Variants in MPPED1 observed in about 807,000 individuals in gnomAD.
MPPED1 encodes the protein metallophosphoesterase domain containing 1, also known as metallophosphoesterase domain-containing protein 1.
In MPPED1, 16 loss-of-function variants were observed where a neutral mutation model predicts 36.2. The observed-to-expected ratio is 0.44, with a 90% CI of 0.30 to 0.67. The LOEUF is 0.67. Among genes scored for constraint, MPPED1 ranks in the 30% least tolerant of loss-of-function variants. The pLI is 0.10. For missense variants in MPPED1, 307 were observed against 453.4 expected, an observed-to-expected ratio of 0.68 and a Z score of 2.93; for synonymous variants, 199 against 191.3, an observed-to-expected ratio of 1.04 and a Z score of -0.33.
chr22:43,482,536 T>C (rs988870974), intron 4 of MPPED1, among the ~76,000 whole-genome samples: 2 of 152,210 alleles, frequency 1.3e-5, no homozygotes, highest in Non-Finnish European at 2.9e-5. Context: ...ATACACATCC[T>C]GGTACGTGGC....
rs901330570 is a variant in MPPED1 at position 43,469,937 on chromosome 22, T to C, written c.407-4799T>C. On this transcript the variant is annotated intron_variant, in intron 3 of 6. Transcript: ENST00000443721. The stretch of plus-strand genomic sequence containing the variant: ...ATCTATATATGCATCTATATATTCA[T>C]ACATATATAAAGCATCCATTCATTC... Among the ~76,000 whole-genome samples the C allele has an allele frequency of 2.6e-5, 4 of 152,136 alleles. 1 individual carries two copies. Among genetic ancestry groups the C allele is most frequent in the African/African-American group, 9.7e-5 (4 of 41,424 alleles).
At chr22:43,461,187 A>G (rs361730) in intron 3 of MPPED1, among the ~76,000 whole-genome samples, 144,568 of 152,220 alleles carry the variant, frequency 0.95, 68,689 homozygotes, top group East Asian at 1. Context: ...AATATAGCGA[A>G]ACCTCATCTC....
In MPPED1 at chr22:43,505,985, C is replaced by T. The variant is rs1213487151; in HGVS notation, c.*369C>T. 1 of 162,800 alleles carries T rather than the reference C, an allele frequency of 6.1e-6. No individual in the cohort carries two copies. The highest frequency in any genetic ancestry group is 2.5e-5 in the African/African-American group (1 of 40,060). 10.1% of individuals were successfully genotyped at this position (162,800 alleles called of 1,614,324 possible). The stretch of plus-strand genomic sequence containing the variant: ...TCTTGAATGGGTTTTGGAAGTTACA[C>T]AAAATCTCCCTCTAACCACGGGTCT... On this transcript the variant is annotated 3_prime_UTR_variant, in exon 7 of 7. Coordinates refer to ENST00000443721, the MANE Select transcript of MPPED1 (RefSeq NM_001044370.2).
intron 5 of MPPED1, among the ~76,000 whole-genome samples, chr22:43,500,158 TGGTGATGGTGATGGA>T: frequency 1.0e-5 from 1 of 96,862 alleles, no homozygotes; most frequent in African/African-American, 5.8e-5. Flanking sequence ...GGGGTGGTGG[TGGTGATGGTGATGGA>T]GGTGGTGGTG....
intron 3 of MPPED1, among the ~76,000 whole-genome samples, chr22:43,455,662 A>G (rs1930729317): frequency 6.6e-6 from 1 of 152,322 alleles, no homozygotes; most frequent in South Asian, 2.1e-4. Context: ...AATCTGTTGC[A>G]GGAAGCTATG....
chr22:43,452,004 AT>A (rs1930586775), intron 3 of MPPED1, among the ~76,000 whole-genome samples: 1 of 148,194 alleles, frequency 6.7e-6, no homozygotes, highest in Non-Finnish European at 1.5e-5. Context: ...ACCTCCCTAT[AT>A]TTTTCTTTTT....
intron 2 of MPPED1, among the ~76,000 whole-genome samples, chr22:43,428,536 G>A (rs76990831): frequency 2.6e-5 from 4 of 152,188 alleles, no homozygotes; most frequent in African/African-American, 4.8e-5. Flanking sequence ...TCCCAGGAGC[G>A]GTGGGGGGAT....
At chr22:43,469,463 C>T (rs1053398287) in intron 3 of MPPED1, among the ~76,000 whole-genome samples, 2 of 2,936 alleles carry the variant, frequency 6.8e-4, no homozygotes, top group Non-Finnish European at 8.5e-4. Flanking sequence ...TATCTATGTT[C>T]GGGTTGGTAA....
intron 1 of MPPED1, among the ~76,000 whole-genome samples, chr22:43,413,947 G>A (rs1251882620): frequency 6.6e-6 from 1 of 152,214 alleles, no homozygotes; most frequent in Non-Finnish European, 1.5e-5. Context: ...TACTGGTGAT[G>A]TGGATGGGTT....
Position 43,435,040 on chromosome 22 carries a change from C to G in MPPED1, c.231C>G (p.Asp77Glu). 6.2e-7 allele frequency: 1 copy of G among 1,613,526 alleles called. No individual in the cohort carries two copies. Among genetic ancestry groups the G allele is most frequent in the South Asian group, 1.1e-5 (1 of 91,060 alleles). ...GTGTCATCTCTCCCTGCAGGGTGGA[C>G]CCGGTGCCTCACGATGCCCCCAAAC... Reference protein sequence around the residue: ...RFQPPHVQMVDPVPHDAPKPP... With the variant: ...RFQPPHVQMVEPVPHDAPKPP... The change falls in exon 3 of 7, where the codon GAC becomes GAG. Residue 77 changes from aspartate to glutamate, a missense_variant. Coordinates refer to ENST00000443721, the MANE Select transcript of MPPED1 (RefSeq NM_001044370.2).
intron 4 of MPPED1, among the ~76,000 whole-genome samples, chr22:43,496,609 AG>A (rs1569089823): frequency 2.4e-3 from 6 of 2,508 alleles, no homozygotes; most frequent in Admixed American, 4.8e-3. Flanking sequence ...TGGTGGAGGT[AG>A]TGGTGGTGGA....
chr22:43,504,731 T>C (rs567109252), intron 6 of MPPED1, among the ~76,000 whole-genome samples: 1 of 151,926 alleles, frequency 6.6e-6, no homozygotes, highest in East Asian at 1.9e-4. Flanking sequence ...ATGATGATAA[T>C]AGGAGCAGTG....
chr22:43,471,115 C>A (rs1383397846), intron 3 of MPPED1, among the ~76,000 whole-genome samples: 1 of 152,254 alleles, frequency 6.6e-6, no homozygotes, highest in African/African-American at 2.4e-5. Flanking sequence ...TCCGCCCAAT[C>A]CCCAGTAGTC....
chr22:43,491,511 G>T (rs1482753572), intron 4 of MPPED1, among the ~76,000 whole-genome samples: 1 of 151,274 alleles, frequency 6.6e-6, no homozygotes, highest in Non-Finnish European at 1.5e-5. Flanking sequence ...GGAGGTGGTG[G>T]TTATGGAGGT....
chr22:43,500,351 GGTGATGGAGGTGGTGA>G (rs1932679612), intron 5 of MPPED1, among the ~76,000 whole-genome samples: 1 of 150,118 alleles, frequency 6.7e-6, no homozygotes, highest in African/African-American at 2.5e-5. Flanking sequence ...TGGTGGTGAT[GGTGATGGAGGTGGTGA>G]TGGGGGTGGT....
chr22:43,499,628 GAT>G (rs1484205856), intron 5 of MPPED1, among the ~76,000 whole-genome samples: 1 of 108,590 alleles, frequency 9.2e-6, no homozygotes, highest in Non-Finnish European at 1.9e-5. Context: ...TGGTGGTGAT[GAT>G]GGTGGAGGTG....
At chr22:43,504,625 C>G (rs957198217) in intron 6 of MPPED1, among the ~76,000 whole-genome samples, 1 of 148,838 alleles carries the variant, frequency 6.7e-6, no homozygotes, top group African/African-American at 2.5e-5. Flanking sequence ...GTTGATGGCA[C>G]TAGTGATGGT....
chr22:43,505,617 C>G lies in MPPED1; in HGVS notation c.*1C>G. ...CCTCCCCACACCCCGGAACTCCTGA[C>G]TGCTCCCCACTGCCCCTGCCCTGCC... On this transcript the variant is annotated 3_prime_UTR_variant, in exon 7 of 7. Transcript: ENST00000443721. 6.2e-7 allele frequency: 1 copy of G among 1,602,112 alleles called. No individual in the cohort carries two copies. The highest frequency in any genetic ancestry group is 1.1e-5 in the South Asian group (1 of 88,686).
At chr22:43,496,004 A>G (rs867338532) in intron 4 of MPPED1, among the ~76,000 whole-genome samples, 3,088 of 16,898 alleles carry the variant, frequency 0.18, 4 homozygotes, top group African/African-American at 0.22. Flanking sequence ...GGTGGTGGAG[A>G]TGGTGGTGGT....
Sources: allele counts gnomAD v4.1 joint callset (sites outside exome capture counted in the v4.1 genomes callset), GRCh38; gene constraint gnomAD v4.1.1; transcripts MANE v1.5; gene names NCBI Gene and HGNC (gene_info 2026-07-23, HGNC 2026-07-21).